The following DNAJB12 variants were observed in gnomAD, a reference collection of about 807,000 sequenced individuals.
DNAJB12 encodes the protein dnaJ homolog subfamily B member 12.
DNAJB12 carries 14 observed loss-of-function variants against 40.6 expected under a neutral mutation model. That is an observed-to-expected ratio of 0.34 (90% CI 0.23 to 0.54). The LOEUF (loss-of-function observed/expected upper bound fraction) is 0.54, where lower values mean the gene tolerates loss of function less well. Among genes scored for constraint, DNAJB12 ranks in the 20% least tolerant of loss-of-function variants. The pLI is 0.92. For missense variants in DNAJB12, 444 were observed against 501.7 expected, an observed-to-expected ratio of 0.89 and a Z score of 1.10; for synonymous variants, 181 against 199.5, an observed-to-expected ratio of 0.91 and a Z score of 0.78.
intron 2 of DNAJB12, 65 bp from the exon 3 acceptor site, chr10:72,343,576 C>T: frequency 6.3e-7 from 1 of 1,575,874 alleles, no homozygotes. Flanking sequence ...GGGCGATGAA[C>T]AGGCCGTGTG....
rs754286951 is a variant in DNAJB12 at position 72,334,712 on chromosome 10, G to A, written c.*31-95C>T. The A allele has an allele frequency of 1.9e-4, 280 of 1,440,196 alleles. 1 individual carries two copies. Among genetic ancestry groups the A allele is most frequent in the Non-Finnish European group, 2.4e-4 (268 of 1,105,238 alleles). The allele number at this position is 1,440,196 out of a possible 1,614,324, so 89.2% of individuals were successfully genotyped here. Reference sequence around the variant, plus strand: ...AAGTAGCCCCCCTTGCCACTGCACCGCTGCACCGTGCTGCCCGCTCGACCC... The same window carrying A: ...AAGTAGCCCCCCTTGCCACTGCACCACTGCACCGTGCTGCCCGCTCGACCC... On this transcript the variant is annotated intron_variant, in intron 8 of 8. Transcript: ENST00000444643.
At chr10:72,353,839 G>A (rs1207785643) in intron 1 of DNAJB12, 1 of 152,190 alleles carries the variant, frequency 6.6e-6, no homozygotes, top group African/African-American at 2.4e-5. Context: ...GGGCCCTTCG[G>A]AGTGCCTGTT....
chr10:72,343,887 CTTTTT>C (rs370222284), intron 2 of DNAJB12, among the ~76,000 whole-genome samples: 2 of 145,120 alleles, frequency 1.4e-5, no homozygotes, highest in African/African-American at 5.0e-5. Flanking sequence ...CAATCTGAGT[CTTTTT>C]TTTTTTTTAA....
In DNAJB12 at chr10:72,335,975, CGAAGCCTGCAAG is replaced by C. The variant is rs1235833182; in HGVS notation, c.1007-56_1007-45del. 7 of 1,608,018 alleles carry C rather than the reference CGAAGCCTGCAAG, an allele frequency of 4.4e-6. No individual in the cohort carries two copies. The highest frequency in any genetic ancestry group is 5.1e-6 in the Non-Finnish European group (6 of 1,175,788). Reference sequence around the variant, plus strand: ...GGGTTAGTGCACACCCAGTACCTCCCGAAGCCTGCAAGGAAGCCTGCGAGGGCTGTGGAGGGC... The same window carrying C: ...GGGTTAGTGCACACCCAGTACCTCCCGAAGCCTGCGAGGGCTGTGGAGGGC... On this transcript the variant is annotated intron_variant, in intron 7 of 8. Coordinates refer to ENST00000444643, the MANE Select transcript of DNAJB12 (RefSeq NM_017626.7). This position sits in a 1 kb window ranked among gnomAD's most constrained non-coding sequence, Gnocchi z 4.4.
At chr10:72,350,217 C>G (rs2132005376) in intron 1 of DNAJB12, among the ~76,000 whole-genome samples, 1 of 151,816 alleles carries the variant, frequency 6.6e-6, no homozygotes, top group Admixed American at 6.6e-5. Flanking sequence ...CTTGGCAACA[C>G]AGGAAGACCC....
At chr10:72,349,980 C>T (rs1021767672) in intron 1 of DNAJB12, among the ~76,000 whole-genome samples, 1 of 152,106 alleles carries the variant, frequency 6.6e-6, no homozygotes, top group Non-Finnish European at 1.5e-5. Context: ...CTTAATGTTA[C>T]CTTCTCAGTA....
chr10:72,336,485 A>T, intron 7 of DNAJB12, 39 bp downstream of exon 7: 2 of 1,594,270 alleles, frequency 1.3e-6, no homozygotes, highest in South Asian at 2.3e-5. Context: ...ATCCCAAGCC[A>T]CCTCCCAAAT....
chr10:72,343,486 C>G lies in DNAJB12; in HGVS notation c.337G>C (p.Glu113Gln). The change falls in exon 3 of 9, where the codon GAG becomes CAG. Residue 113 changes from glutamate to glutamine, a missense_variant. Physicochemically the swap from Glu to Gln is conservative, Grantham distance 29 (BLOSUM62 2). Coordinates refer to ENST00000444643, the MANE Select transcript of DNAJB12 (RefSeq NM_017626.7). The part of the protein sequence containing the change: ...KRVKQCKDYY[E>Q]ILGVSRGASD... ...GCCCCTCTGCTCACCCCCAGGATCT[C>G]ATAGTAATCTTTACATTGCTTGACC... The G allele has an allele frequency of 6.2e-7, 1 of 1,614,206 alleles. No homozygotes were observed. The highest frequency in any genetic ancestry group is 8.5e-7 in the Non-Finnish European group (1 of 1,180,032).
intron 6 of DNAJB12, among the ~76,000 whole-genome samples, chr10:72,337,970 T>C (rs866961461): frequency 5.3e-5 from 8 of 152,180 alleles, no homozygotes; most frequent in African/African-American, 1.7e-4. Context: ...CATGTGTGCA[T>C]AGTTTTAGGG....
chr10:72,345,914 A>G (rs979997999), intron 1 of DNAJB12, among the ~76,000 whole-genome samples: 35 of 150,974 alleles, frequency 2.3e-4, no homozygotes, highest in South Asian at 6.3e-4. Flanking sequence ...AAAAAAAAAA[A>G]GTAGGCAGGA....
chr10:72,335,010 A>C lies in DNAJB12; in HGVS notation c.*31-393T>G. The C allele has an allele frequency of 3.7e-5, 39 of 1,066,128 alleles. No homozygotes were observed. Among genetic ancestry groups the C allele is most frequent in the Non-Finnish European group, 4.4e-5 (39 of 881,806 alleles). The allele number at this position is 1,066,128 out of a possible 1,614,324, so 66.0% of individuals were successfully genotyped here. ...AGGGAGCCTGCTACCAGCAACTCTC[A>C]TTTCCCCTCCACCCCTCCTGTGCTG... On this transcript the variant is annotated intron_variant, in intron 8 of 8. Transcript: ENST00000444643. The surrounding 1 kb of genome is among the most constrained non-coding windows in gnomAD (Gnocchi z 4.4).
Position 72,333,551 on chromosome 10 carries a change from A to T in DNAJB12, c.*1097T>A, listed in dbSNP as rs973146151. 8 of 152,690 alleles carry T rather than the reference A, an allele frequency of 5.2e-5. No homozygotes were observed. The highest frequency in any genetic ancestry group is 1.7e-4 in the African/African-American group (7 of 41,440). The allele number at this position is 152,690 out of a possible 1,614,324, so 9.5% of individuals were successfully genotyped here. On this transcript the variant is annotated 3_prime_UTR_variant, in exon 9 of 9. Transcript: ENST00000444643. The stretch of plus-strand genomic sequence containing the variant: ...GTCCCGGCACCACTGACTGACTCGG[A>T]GGAAGAACTTTCTGAAGTCCTTGGT...
Position 72,340,885 on chromosome 10 carries a change from C to A in DNAJB12, c.644-17G>T. 3.7e-6 allele frequency: 6 copies of A among 1,613,190 alleles called. No homozygotes were observed. Among genetic ancestry groups the A allele is most frequent in the Non-Finnish European group, 5.1e-6 (6 of 1,179,510 alleles). On this transcript the variant is annotated splice_polypyrimidine_tract_variant and intron_variant, in intron 4 of 8. Coordinates refer to ENST00000444643, the MANE Select transcript of DNAJB12 (RefSeq NM_017626.7). ...GGACGTTACCTGGGGGTCAGAGGGGCTGAGTCAGGAGCCAGGTCTGTTGGG... is the reference window on the plus strand; with the variant it reads ...GGACGTTACCTGGGGGTCAGAGGGGATGAGTCAGGAGCCAGGTCTGTTGGG...
At chr10:72,348,582 G>A (rs1367789133) in intron 1 of DNAJB12, among the ~76,000 whole-genome samples, 1 of 152,260 alleles carries the variant, frequency 6.6e-6, no homozygotes, top group Admixed American at 6.5e-5. Flanking sequence ...CTGAGAGCCA[G>A]TCTCACTGGG....
At chr10:72,341,915 G>C (rs996711276) in intron 3 of DNAJB12, among the ~76,000 whole-genome samples, 1 of 152,204 alleles carries the variant, frequency 6.6e-6, no homozygotes, top group African/African-American at 2.4e-5. Context: ...CTTGCTTCAA[G>C]TTCTCTCTCC....
chr10:72,349,754 G>A (rs1480004378), intron 1 of DNAJB12, among the ~76,000 whole-genome samples: 1 of 152,164 alleles, frequency 6.6e-6, no homozygotes, highest in Non-Finnish European at 1.5e-5. Context: ...CAGGGAATCA[G>A]CCACTCTAAT....
chr10:72,351,541 C>T (rs185547662), intron 1 of DNAJB12, among the ~76,000 whole-genome samples: 34 of 152,368 alleles, frequency 2.2e-4, no homozygotes, highest in African/African-American at 7.7e-4. Flanking sequence ...GCAGTGCCTG[C>T]GGCATCACAC....
intron 1 of DNAJB12, among the ~76,000 whole-genome samples, chr10:72,349,563 G>A (rs1861883344): frequency 6.6e-6 from 1 of 152,216 alleles, no homozygotes. Context: ...TTTTCAAGAA[G>A]CTCTTTATTA....
At chr10:72,348,369 A>C (rs530745689) in intron 1 of DNAJB12, among the ~76,000 whole-genome samples, 6 of 152,314 alleles carry the variant, frequency 3.9e-5, no homozygotes, top group African/African-American at 1.4e-4. Context: ...TGGGTAGTAA[A>C]ATCCTAAAGC....
Sources: gnomAD v4.1 joint callset for allele counts (sites outside exome capture counted in the v4.1 genomes callset) on GRCh38, gnomAD v4.1.1 for gene constraint, Gnocchi (gnomAD v3.1) non-coding constraint, MANE v1.5 for transcripts, NCBI Gene and HGNC (gene_info 2026-07-23, HGNC 2026-07-21) for gene names.